Variants in DIABLO observed in about 807,000 individuals in gnomAD.
DIABLO encodes diablo homolog, mitochondrial.
A neutral mutation model predicts 31.7 loss-of-function variants in DIABLO; 32 were observed. The observed-to-expected ratio is 1.01, with a 90% CI of 0.76 to 1.35. DIABLO has a LOEUF of 1.35. DIABLO is among the 40% of genes most tolerant of loss of function. The pLI is 0.00. For missense variants in DIABLO, 316 were observed against 286.4 expected, an observed-to-expected ratio of 1.10 and a Z score of -0.75; for synonymous variants, 132 against 103.2, an observed-to-expected ratio of 1.28 and a Z score of -1.69.
chr12:122,207,680 G>C lies in DIABLO; in HGVS notation c.*701C>G, dbSNP rs771712923. ...GGCTGCATAGGACCCCAGGAGAGAC[G>C]CATTTTCTCTTTCAGATGCAAACAA... On this transcript the variant is annotated 3_prime_UTR_variant, in exon 6 of 6. Transcript: ENST00000464942. 1 of 615,206 alleles carries C rather than the reference G, an allele frequency of 1.6e-6. No individual in the cohort carries two copies. Among genetic ancestry groups the C allele is most frequent in the East Asian group, 3.4e-5 (1 of 29,166 alleles). The allele number at this position is 615,206 out of a possible 1,614,324, so 38.1% of individuals were successfully genotyped here.
chr12:122,219,514 G>A (rs1954288596), intron 2 of DIABLO, among the ~76,000 whole-genome samples: 1 of 152,086 alleles, frequency 6.6e-6, no homozygotes, highest in South Asian at 2.1e-4. Flanking sequence ...TATGTTGAGT[G>A]CTAATAGCTT....
upstream of DIABLO, chr12:122,226,344 G>A (rs1954475673): frequency 3.0e-6 from 2 of 668,610 alleles, no homozygotes; most frequent in African/African-American, 1.9e-5. Flanking sequence ...AGGGCTTGAA[G>A]GGAATTTCCT....
intron 2 of DIABLO, chr12:122,220,497 A>G (rs957288830): frequency 6.6e-6 from 1 of 152,128 alleles, no homozygotes; most frequent in Non-Finnish European, 1.5e-5. Context: ...TCTACTAAAA[A>G]GACACAAATT....
intron 5 of DIABLO, among the ~76,000 whole-genome samples, chr12:122,211,693 T>C (rs1367812690): frequency 6.6e-6 from 1 of 152,178 alleles, no homozygotes; most frequent in Non-Finnish European, 1.5e-5. Context: ...AAACAAATTC[T>C]GTTCTAATCC....
At chr12:122,211,010 A>C (rs1175719906) in intron 5 of DIABLO, among the ~76,000 whole-genome samples, 1 of 142,782 alleles carries the variant, frequency 7.0e-6, no homozygotes, top group African/African-American at 2.6e-5. Flanking sequence ...ATCCCACCAC[A>C]GCATTCCCGC....
At position 122,208,324 on chromosome 12, in the gene DIABLO, G is replaced by C. The variant is rs1297914017; in HGVS notation, c.*57C>G. 1 of 1,586,196 alleles carries C rather than the reference G, an allele frequency of 6.3e-7. No individual in the cohort carries two copies. The highest frequency in any genetic ancestry group is 2.2e-5 in the East Asian group (1 of 44,758). On this transcript the variant is annotated 3_prime_UTR_variant, in exon 6 of 6. Transcript: ENST00000464942. ...CAGTCATGCCAACCCTGGGCAGGGT[G>C]GCATCTGCCCCTGCTTTCCCCACTG...
chr12:122,214,857 A>AT (rs1218841961), intron 5 of DIABLO, among the ~76,000 whole-genome samples: 1 of 152,060 alleles, frequency 6.6e-6, no homozygotes, highest in Admixed American at 6.6e-5. Context: ...CACCTGGCTA[A>AT]TTTTTGTATT....
At chr12:122,216,417 G>T in intron 5 of DIABLO, 71 bp downstream of exon 5, 1 of 1,342,022 alleles carries the variant, frequency 7.5e-7, no homozygotes, top group Non-Finnish European at 1.1e-6. Context: ...TAGAAAACCA[G>T]ATGAAAACTC....
chr12:122,209,999 C>A, intron 5 of DIABLO: 1 of 574,296 alleles, frequency 1.7e-6, no homozygotes, highest in South Asian at 2.3e-5. Flanking sequence ...TGGTTTTTCT[C>A]CTTTAATCTA....
chr12:122,212,725 C>G (rs528877390), intron 5 of DIABLO, among the ~76,000 whole-genome samples: 1 of 151,450 alleles, frequency 6.6e-6, no homozygotes, highest in East Asian at 1.9e-4. Flanking sequence ...CCCAGGTTCA[C>G]GCCATTCTCC....
rs1437050463 is a variant in DIABLO at position 122,208,072 on chromosome 12, G to C, written c.*309C>G. The C allele has an allele frequency of 3.4e-6, 2 of 595,970 alleles. No individual in the cohort carries two copies. Among genetic ancestry groups the C allele is most frequent in the Non-Finnish European group, 6.3e-6 (2 of 318,966 alleles). The allele number at this position is 595,970 out of a possible 1,614,324, so 36.9% of individuals were successfully genotyped here. On this transcript the variant is annotated 3_prime_UTR_variant, in exon 6 of 6. Coordinates refer to ENST00000464942, the MANE Select transcript of DIABLO (RefSeq NM_001371333.1). ...CTGAACTTAAGGGCATGACAAAAAG[G>C]ACTCCTCTCTCTGACCCAGGTAGGC...
intron 3 of DIABLO, chr12:122,217,741 G>C (rs1025941252): frequency 1.9e-5 from 3 of 159,324 alleles, no homozygotes; most frequent in African/African-American, 7.3e-5. Context: ...GGTTGGTCTT[G>C]AACTCCTGGC....
At chr12:122,223,156 C>T (rs946552241) in intron 2 of DIABLO, among the ~76,000 whole-genome samples, 2 of 151,984 alleles carry the variant, frequency 1.3e-5, no homozygotes, top group African/African-American at 4.8e-5. Context: ...CTGTGACAGC[C>T]GGGCACGGTG....
At chr12:122,224,960 AAAT>A (rs768621615) in intron 1 of DIABLO, 53 of 657,640 alleles carry the variant, frequency 8.1e-5, no homozygotes, top group Non-Finnish European at 1.2e-4. Context: ...TATTAAAAAA[AAAT>A]AAGTAAATAA....
intron 2 of DIABLO, among the ~76,000 whole-genome samples, chr12:122,219,553 T>C (rs1353983626): frequency 6.6e-6 from 1 of 151,916 alleles, no homozygotes; most frequent in East Asian, 2.0e-4. Flanking sequence ...TTGATGAGGA[T>C]TAAGCTGAGT....
In DIABLO at chr12:122,208,505, T is replaced by G. The variant is rs1448019291; in HGVS notation, c.596A>C (p.Gln199Pro). Residue 199 changes from glutamine (Q) to proline (P), a missense_variant, in exon 6 of 6, where the codon CAG becomes CCG. Physicochemically the swap from Gln to Pro is moderately conservative, Grantham distance 76. Coordinates refer to ENST00000464942, the MANE Select transcript of DIABLO (RefSeq NM_001371333.1). ...CTTGGTTTCTGCTTTCCGGGAGAGCTGGTGCACCTCTTCCACCTGCAGTTT... is the reference window on the plus strand; with the variant it reads ...CTTGGTTTCTGCTTTCCGGGAGAGCGGGTGCACCTCTTCCACCTGCAGTTT... ...LVKLQVEEVH[Q>P]LSRKAETKLA... 1 of 1,614,020 alleles carries G rather than the reference T, an allele frequency of 6.2e-7. No homozygotes were observed. Among genetic ancestry groups the G allele is most frequent in the Non-Finnish European group, 8.5e-7 (1 of 1,180,044 alleles).
chr12:122,215,567 G>A (rs1337921426), intron 5 of DIABLO, among the ~76,000 whole-genome samples: 1 of 152,244 alleles, frequency 6.6e-6, no homozygotes, highest in South Asian at 2.1e-4. Context: ...TGGCGCCAGT[G>A]CACTCCAGCC....
chr12:122,218,777 T>TA (rs11389664), intron 2 of DIABLO: 19,464 of 273,058 alleles, frequency 0.071, 810 homozygotes, highest in African/African-American at 0.15. Flanking sequence ...CCGTCTCTAC[T>TA]AAAAAAATAC....
chr12:122,211,432 A>G (rs1028377302), intron 5 of DIABLO, among the ~76,000 whole-genome samples: 6 of 151,626 alleles, frequency 4.0e-5, no homozygotes, highest in African/African-American at 1.5e-4. Flanking sequence ...AGCTGGGTGC[A>G]GTGGCTCAGC....
Sources: allele counts gnomAD v4.1 joint callset (sites outside exome capture counted in the v4.1 genomes callset), GRCh38; gene constraint gnomAD v4.1.1; transcripts MANE v1.5; gene names NCBI Gene and HGNC (gene_info 2026-07-23, HGNC 2026-07-21).